Variants in PDIA5 observed in about 807,000 individuals in gnomAD.
PDIA5 encodes the protein protein disulfide-isomerase A5.
PDIA5 carries 58 observed loss-of-function variants against 77.6 expected under a neutral mutation model. The ratio of observed to expected loss-of-function variants is 0.75; its 90% confidence interval spans 0.61 to 0.93. PDIA5 has a LOEUF of 0.93. PDIA5 is among the 40% of genes least tolerant of loss of function. The pLI, the probability that PDIA5 is intolerant of heterozygous loss-of-function variation, is 0.00. For missense variants in PDIA5, 630 were observed against 647.7 expected (o/e 0.97, Z 0.30); for synonymous variants, 250 against 252.1 (o/e 0.99, Z 0.08).
At chr3:123,083,319 T>C (rs1177082340) in intron 1 of PDIA5, among the ~76,000 whole-genome samples, 2 of 152,060 alleles carry the variant, frequency 1.3e-5, no homozygotes, top group Non-Finnish European at 2.9e-5. Context: ...GGACCTGGCA[T>C]TGGGGGCCTC....
intron 8 of PDIA5, among the ~76,000 whole-genome samples, chr3:123,123,618 C>T (rs1309303735): frequency 6.6e-6 from 1 of 152,202 alleles, no homozygotes; most frequent in African/African-American, 2.4e-5. Context: ...GGACGTTGTA[C>T]AGAGCTGAAT....
intron 1 of PDIA5, among the ~76,000 whole-genome samples, chr3:123,069,826 A>G (rs1933678377): frequency 6.6e-6 from 1 of 152,166 alleles, no homozygotes; most frequent in African/African-American, 2.4e-5. Context: ...ACAGTTGCTC[A>G]CACCTGTAAT....
intron 1 of PDIA5, among the ~76,000 whole-genome samples, chr3:123,069,420 C>T (rs1933668743): frequency 6.6e-6 from 1 of 152,168 alleles, no homozygotes; most frequent in East Asian, 1.9e-4. Context: ...AATATCTGGC[C>T]TTGTCCATAT....
chr3:123,111,404 C>T (rs982651272), intron 7 of PDIA5, among the ~76,000 whole-genome samples: 1 of 152,266 alleles, frequency 6.6e-6, no homozygotes, highest in Non-Finnish European at 1.5e-5. Flanking sequence ...CTGGGGGCAA[C>T]AGCTTGCCTA....
rs925363516 is a variant in PDIA5 at position 123,106,691 on chromosome 3, C to T, written c.388-58C>T. 17 of 1,250,824 alleles carry T rather than the reference C, an allele frequency of 1.4e-5. No homozygotes were observed. The African/African-American group carries it at 2.4e-4, about 17-fold the overall frequency. 77.5% of individuals were successfully genotyped at this position (1,250,824 alleles called of 1,614,324 possible). A position where few individuals can be genotyped will look rare whatever the true frequency, so the allele number is the denominator to read the frequency against. On this transcript the variant is annotated intron_variant, in intron 5 of 16. Coordinates refer to ENST00000316218, the MANE Select transcript of PDIA5 (RefSeq NM_006810.4). ...GGAAAGAGGACAGGTTCCTGATTCC[C>T]CCACCTCCCTCTTTTCAGGGCTAAA... is the stretch of plus-strand genomic sequence containing the variant.
intron 15 of PDIA5, among the ~76,000 whole-genome samples, chr3:123,156,601 C>G (rs1936024806): frequency 6.6e-6 from 1 of 152,212 alleles, no homozygotes; most frequent in African/African-American, 2.4e-5. Context: ...ACGTGCCACC[C>G]AGAATGCTGG....
chr3:123,089,305 C>T lies in PDIA5; in HGVS notation c.169+11C>T, dbSNP rs763903207. 6 of 1,613,472 alleles carry T rather than the reference C, an allele frequency of 3.7e-6. No individual in the cohort carries two copies. The highest frequency in any genetic ancestry group is 5.1e-6 in the Non-Finnish European group (6 of 1,179,572). On this transcript the variant is annotated intron_variant, in intron 2 of 16. Coordinates refer to ENST00000316218, the MANE Select transcript of PDIA5 (RefSeq NM_006810.4). ...TTTACTCCAAATCTGGTGAGTGTCC[C>T]TTCCTGGCCTTGAGGTCAACCATCG...
chr3:123,091,856 G>A (rs562857231), intron 2 of PDIA5, among the ~76,000 whole-genome samples: 3 of 152,356 alleles, frequency 2.0e-5, no homozygotes, highest in South Asian at 2.1e-4. Flanking sequence ...CTAGATGAGC[G>A]TGTGCTGCAC....
intron 15 of PDIA5, among the ~76,000 whole-genome samples, chr3:123,160,110 CGTT>C (rs1045065799): frequency 3.0e-4 from 46 of 152,190 alleles, no homozygotes; most frequent in African/African-American, 1.1e-3. Flanking sequence ...TCAAGGTCGA[CGTT>C]GTCCCCCAGC....
At chr3:123,109,731 A>T (rs1934819084) in intron 6 of PDIA5, among the ~76,000 whole-genome samples, 1 of 152,142 alleles carries the variant, frequency 6.6e-6, no homozygotes, top group Admixed American at 6.5e-5. Flanking sequence ...ATTGAGAGAG[A>T]TGCCTGCTGA....
At chr3:123,149,439 G>T (rs72956418) in intron 13 of PDIA5, among the ~76,000 whole-genome samples, 8,306 of 152,240 alleles carry the variant, frequency 0.055, 762 homozygotes, top group African/African-American at 0.19. Context: ...CGTGGGTGTA[G>T]CCCTCTCCCC....
intron 10 of PDIA5, among the ~76,000 whole-genome samples, chr3:123,128,668 C>T (rs539620565): frequency 2.6e-5 from 4 of 152,124 alleles, no homozygotes; most frequent in South Asian, 2.1e-4. Flanking sequence ...CCACCATGCC[C>T]GACTAATTTT....
At chr3:123,105,016 G>A (rs1934692960) in intron 5 of PDIA5, among the ~76,000 whole-genome samples, 1 of 152,190 alleles carries the variant, frequency 6.6e-6, no homozygotes, top group African/African-American at 2.4e-5. Context: ...CATGTCAGTT[G>A]TTACGTTAAA....
chr3:123,099,955 T>C (rs1934539762), intron 3 of PDIA5, among the ~76,000 whole-genome samples: 2 of 152,222 alleles, frequency 1.3e-5, no homozygotes, highest in South Asian at 4.1e-4. Context: ...GGAACTGCAG[T>C]GTGAACGGAG....
chr3:123,121,402 C>T (rs983170961), intron 8 of PDIA5, among the ~76,000 whole-genome samples: 2 of 152,244 alleles, frequency 1.3e-5, no homozygotes, highest in Non-Finnish European at 2.9e-5. Context: ...ATCTTCTCCA[C>T]AGGCCGAGAC....
At chr3:123,103,088 G>A (rs769790903) in intron 5 of PDIA5, among the ~76,000 whole-genome samples, 4 of 152,158 alleles carry the variant, frequency 2.6e-5, no homozygotes, top group Non-Finnish European at 4.4e-5. Flanking sequence ...GCCTCATTTC[G>A]TTGTAGCTTC....
Position 123,102,466 on chromosome 3 carries a change from G to A in PDIA5, c.313G>A (p.Asp105Asn), listed in dbSNP as rs1934625374. 1.2e-6 allele frequency: 2 copies of A among 1,613,822 alleles called. No individual in the cohort carries two copies. The highest frequency in any genetic ancestry group is 1.3e-5 in the African/African-American group (1 of 74,916). The change falls in exon 4 of 17, where the codon GAC becomes AAC. Residue 105 changes from aspartate (D) to asparagine (N), a missense_variant. Asp to Asn is a conservative substitution (Grantham distance 23). Transcript: ENST00000316218. Reference protein sequence around the residue: ...KKMKVDLSPKDKKVELFHYQD... With the variant: ...KKMKVDLSPKNKKVELFHYQD... ...GATGAAAGTTGACCTGAGCCCGAAG[G>A]ACAAAAAGGTTGAATTATTCCATTA... is the stretch of plus-strand genomic sequence containing the variant.
chr3:123,108,854 C>G (rs1399192119), intron 6 of PDIA5, among the ~76,000 whole-genome samples: 1 of 151,842 alleles, frequency 6.6e-6, no homozygotes, highest in African/African-American at 2.4e-5. Flanking sequence ...CCATTGCACT[C>G]CAGCCTGGGT....
At chr3:123,133,579 G>A (rs982930577) in intron 11 of PDIA5, among the ~76,000 whole-genome samples, 29 of 152,244 alleles carry the variant, frequency 1.9e-4, no homozygotes, top group Admixed American at 1.8e-3. Context: ...ACAGGATGGA[G>A]CTACCCTGAG....
Sources: allele counts gnomAD v4.1 joint callset (sites outside exome capture counted in the v4.1 genomes callset), GRCh38; gene constraint gnomAD v4.1.1; transcripts MANE v1.5; gene names NCBI Gene and HGNC (gene_info 2026-07-23, HGNC 2026-07-21).